Variants in MCPH1 observed in about 807,000 individuals in gnomAD.
The protein encoded by MCPH1 is microcephalin 1.
In MCPH1, 104 loss-of-function variants were observed where a neutral mutation model predicts 84.5. The ratio of observed to expected loss-of-function variants is 1.23; its 90% confidence interval spans 1.05 to 1.45. The LOEUF (loss-of-function observed/expected upper bound fraction) is 1.45, where lower values mean the gene tolerates loss of function less well. MCPH1 is among the 40% of genes most tolerant of loss of function. The pLI is 0.00. For missense variants in MCPH1, 1,498 were observed against 1,005.7 expected (o/e 1.49, Z -6.62); for synonymous variants, 514 against 366.8 (o/e 1.40, Z -4.58).
chr8:6,581,984 G>A (rs146895179), intron 12 of MCPH1, among the ~76,000 whole-genome samples: 20 of 152,214 alleles, frequency 1.3e-4, no homozygotes, highest in African/African-American at 4.1e-4. Context: ...CTTTCTAAAG[G>A]CACCACCTCC....
chr8:6,467,940 G>A (rs1290610701), intron 9 of MCPH1, among the ~76,000 whole-genome samples: 2 of 152,146 alleles, frequency 1.3e-5, no homozygotes, highest in South Asian at 2.1e-4. Flanking sequence ...AGGTGTGTAC[G>A]TGTCTGTTTC....
At chr8:6,473,157 A>G (rs1245075244) in intron 9 of MCPH1, among the ~76,000 whole-genome samples, 1 of 152,120 alleles carries the variant, frequency 6.6e-6, no homozygotes, top group Non-Finnish European at 1.5e-5. Context: ...AGGCTCATCA[A>G]TATTGGGTAA....
At chr8:6,577,694 G>A (rs554794207) in intron 12 of MCPH1, among the ~76,000 whole-genome samples, 1 of 152,308 alleles carries the variant, frequency 6.6e-6, no homozygotes, top group East Asian at 1.9e-4. Flanking sequence ...TTAGTAGATG[G>A]CTAAGCACTA....
rs1051978879 is a variant in MCPH1, at chr8:6,451,649, T to C, written c.1826-3494T>C. 7.2e-5 allele frequency among the ~76,000 whole-genome samples: 11 copies of C among 152,182 alleles called. No homozygotes were observed. The South Asian group carries it at 8.3e-4, about 11-fold the overall frequency. On this transcript the variant is annotated intron_variant, in intron 8 of 13. Coordinates refer to ENST00000344683, the MANE Select transcript of MCPH1 (RefSeq NM_024596.5). ...TACAGTCTCGTTAGCAGAGTTTTAC[T>C]TGTGTAGAACCCGTATAACTTGCAT...
At chr8:6,566,290 G>A (rs2129576170) in intron 12 of MCPH1, among the ~76,000 whole-genome samples, 1 of 152,368 alleles carries the variant, frequency 6.6e-6, no homozygotes, top group African/African-American at 2.4e-5. Context: ...GTCTGTGGGG[G>A]TAGGAGGTGC....
chr8:6,422,033 AG>A, intron 3 of MCPH1, among the ~76,000 whole-genome samples: 1 of 152,290 alleles, frequency 6.6e-6, no homozygotes, highest in East Asian at 1.9e-4. Context: ...TCACAGTTCA[AG>A]CCCTATTTGT....
intron 11 of MCPH1, chr8:6,499,618 A>C (rs1333795015): frequency 2.2e-6 from 1 of 463,970 alleles, no homozygotes; most frequent in African/African-American, 1.9e-5. Context: ...ACCTCATGAG[A>C]ATAATGACTC....
intron 12 of MCPH1, among the ~76,000 whole-genome samples, chr8:6,607,638 C>G (rs144981362): frequency 6.6e-6 from 1 of 152,210 alleles, no homozygotes; most frequent in Admixed American, 6.5e-5. Context: ...GGGAGATAAT[C>G]GAATCATGGG....
chr8:6,517,917 G>A (rs1207649590), intron 12 of MCPH1, among the ~76,000 whole-genome samples: 2 of 152,186 alleles, frequency 1.3e-5, no homozygotes, highest in African/African-American at 4.8e-5. Flanking sequence ...AGAAAATTGA[G>A]GTTTGTGAAA....
intron 13 of MCPH1, among the ~76,000 whole-genome samples, chr8:6,636,016 G>C (rs1797522640): frequency 6.6e-6 from 1 of 152,218 alleles, no homozygotes; most frequent in African/African-American, 2.4e-5. Context: ...ATAAGTGTAA[G>C]GAAATGACTG....
rs535392209 is a variant in MCPH1, at chr8:6,423,268, C to T, written c.234-8231C>T. On this transcript the variant is annotated intron_variant, in intron 3 of 13. Coordinates refer to ENST00000344683, the MANE Select transcript of MCPH1 (RefSeq NM_024596.5). ...GCAGTGGTGCAATCTTGGCTCACTG[C>T]ATTCTCCTGCCTCAGCCTCCTGAGT... Among the ~76,000 whole-genome samples, 14 of 143,212 alleles carry T rather than the reference C, an allele frequency of 9.8e-5. No homozygotes were observed. The South Asian group carries it at 2.8e-3, about 29-fold the overall frequency. The allele number at this position is 143,212 out of a possible 152,430, so 94.0% of individuals were successfully genotyped here.
chr8:6,494,749 G>C (rs1468064462), intron 11 of MCPH1, among the ~76,000 whole-genome samples: 1 of 152,194 alleles, frequency 6.6e-6, no homozygotes, highest in Non-Finnish European at 1.5e-5. Flanking sequence ...AGGGGAGAGA[G>C]GGATGGGGAG....
At chr8:6,474,126 G>A in intron 9 of MCPH1, 1 of 763,076 alleles carries the variant, frequency 1.3e-6, no homozygotes, top group African/African-American at 1.7e-5. Flanking sequence ...TCACAACCGT[G>A]GTAATCAACA....
Position 6,500,147 on chromosome 8 carries a change from C to G in MCPH1, c.2214+218C>G, listed in dbSNP as rs1003110551. 6 of 542,680 alleles carry G rather than the reference C, an allele frequency of 1.1e-5. No homozygotes were observed. The African/African-American group carries it at 1.1e-4, about 10-fold the overall frequency. 33.6% of individuals were successfully genotyped at this position (542,680 alleles called of 1,614,324 possible). On this transcript the variant is annotated intron_variant, in intron 12 of 13. Coordinates refer to ENST00000344683, the MANE Select transcript of MCPH1 (RefSeq NM_024596.5). ...GCAAAAAGTAGTGAGGAATGCAGTC[C>G]AAAGAAAATTTGACGATTAACATCC...
intron 6 of MCPH1, among the ~76,000 whole-genome samples, chr8:6,440,162 G>A (rs548437791): frequency 1.3e-4 from 20 of 152,120 alleles, no homozygotes; most frequent in African/African-American, 4.8e-4. Flanking sequence ...AAAATCTATT[G>A]GTGGGTATTT....
chr8:6,487,635 ACTGAGTTT>A (rs767594161), intron 11 of MCPH1, among the ~76,000 whole-genome samples: 29 of 152,356 alleles, frequency 1.9e-4, no homozygotes, highest in Non-Finnish European at 3.8e-4. Context: ...TCACACTGAC[ACTGAGTTT>A]CTGAGGGTGC....
rs192866296 is a variant in MCPH1 at position 6,532,272 on chromosome 8, G to T, written c.2214+32343G>T. On this transcript the variant is annotated intron_variant, in intron 12 of 13. Coordinates refer to ENST00000344683, the MANE Select transcript of MCPH1 (RefSeq NM_024596.5). ...TGCCTTCATTGAGGAAGCTCCTGAC[G>T]CGACTGAGTGCTAGTCTCTAGCTGC... is the stretch of plus-strand genomic sequence containing the variant. The T allele has an allele frequency of 2.9e-4, 465 of 1,594,902 alleles. 1 individual carries two copies. In the African/African-American group the frequency reaches 5.8e-3, roughly 20 times the overall value.
intron 11 of MCPH1, 171 bp from the exon 12 acceptor site, chr8:6,499,681 A>G: frequency 3.3e-6 from 2 of 602,080 alleles, no homozygotes; most frequent in Admixed American, 2.8e-5. Context: ...ATTAATATTC[A>G]TAACATTTAT....
At chr8:6,601,937 T>G (rs1316620248) in intron 12 of MCPH1, among the ~76,000 whole-genome samples, 1 of 152,264 alleles carries the variant, frequency 6.6e-6, no homozygotes, top group South Asian at 2.1e-4. Context: ...AATACTATCA[T>G]ATAAAAAGGG....
Sources: allele counts gnomAD v4.1 joint callset (sites outside exome capture counted in the v4.1 genomes callset), GRCh38; gene constraint gnomAD v4.1.1; transcripts MANE v1.5; gene names NCBI Gene and HGNC (gene_info 2026-07-23, HGNC 2026-07-21).